The following AKR1C8 variants were observed in gnomAD, a reference collection of about 807,000 sequenced individuals.
AKR1C8 encodes aldo-keto reductase family 1 member C8.
the AKR1C8 span, among the ~76,000 whole-genome samples, chr10:5,163,855 T>A: frequency 2.0e-5 from 3 of 149,994 alleles, no homozygotes; most frequent in South Asian, 6.2e-4. Flanking sequence ...TGTCCCAACA[T>A]AAAAACGCCT....
At chr10:5,179,719 T>G in the AKR1C8 span, among the ~76,000 whole-genome samples, 1 of 152,138 alleles carries the variant, frequency 6.6e-6, no homozygotes, top group Admixed American at 6.6e-5. Flanking sequence ...TTCATTTCAT[T>G]CGTTTCATCT....
chr10:5,117,130 CTTTTT>C, the AKR1C8 span, among the ~76,000 whole-genome samples: 11 of 148,334 alleles, frequency 7.4e-5, no homozygotes, highest in Admixed American at 2.0e-4. Context: ...TGGCAGTGAG[CTTTTT>C]TTTTTTTTTA....
the AKR1C8 span, among the ~76,000 whole-genome samples, chr10:5,148,978 A>G: frequency 6.6e-6 from 1 of 152,276 alleles, no homozygotes; most frequent in African/African-American, 2.4e-5. Flanking sequence ...GTCAGATTAC[A>G]ACAAGAAAAG....
the AKR1C8 span, chr10:5,160,148 A>G: frequency 1.1e-5 from 3 of 261,942 alleles, no homozygotes; most frequent in Middle Eastern, 4.8e-4. Context: ...TGAATATACA[A>G]TTTCCTAATG....
the AKR1C8 span, among the ~76,000 whole-genome samples, chr10:5,150,352 G>C: frequency 1.3e-5 from 2 of 151,314 alleles, no homozygotes; most frequent in Non-Finnish European, 3.0e-5. Context: ...AATTGACAAA[G>C]GAATATTTTA....
the AKR1C8 span, among the ~76,000 whole-genome samples, chr10:5,146,777 C>T: frequency 3.3e-5 from 5 of 152,088 alleles, no homozygotes; most frequent in Non-Finnish European, 5.9e-5. Context: ...ATTGCATTTG[C>T]TTTTGGGTTC....
the AKR1C8 span, among the ~76,000 whole-genome samples, chr10:5,163,846 G>A: frequency 1.3e-5 from 2 of 149,822 alleles, no homozygotes; most frequent in Non-Finnish European, 2.9e-5. Context: ...ATATGCCTTT[G>A]TCCCAACATA....
chr10:5,154,300 C>G, the AKR1C8 span: 2 of 410,972 alleles, frequency 4.9e-6, no homozygotes, highest in Middle Eastern at 3.6e-4. Flanking sequence ...CCTACTTGTA[C>G]CTCGGCACAC....
At chr10:5,175,444 A>T in the AKR1C8 span, among the ~76,000 whole-genome samples, 5 of 152,242 alleles carry the variant, frequency 3.3e-5, no homozygotes, top group East Asian at 3.9e-4. Context: ...ATATGTGTGC[A>T]TGTGTCTTTA....
the AKR1C8 span, among the ~76,000 whole-genome samples, chr10:5,164,706 G>C: frequency 6.6e-6 from 1 of 152,048 alleles, no homozygotes; most frequent in Non-Finnish European, 1.5e-5. Context: ...TGTTGATTCT[G>C]TTCCACTCCA....
At chr10:5,172,556 G>T in the AKR1C8 span, among the ~76,000 whole-genome samples, 1 of 151,980 alleles carries the variant, frequency 6.6e-6, no homozygotes, top group Admixed American at 6.6e-5. Context: ...CACAAGCAAA[G>T]ATTATTTTGT....
At chr10:5,160,877 A>C in the AKR1C8 span, 5 of 471,124 alleles carry the variant, frequency 1.1e-5, no homozygotes, top group Non-Finnish European at 2.2e-5. Flanking sequence ...TTTGGCAGTA[A>C]TTCTTTCCCA....
chr10:5,140,398 A>T, the AKR1C8 span, among the ~76,000 whole-genome samples: 2 of 152,192 alleles, frequency 1.3e-5, no homozygotes, highest in African/African-American at 4.8e-5. Flanking sequence ...GAACCAACCC[A>T]AATGTCCATC....
At chr10:5,162,467 A>T in the AKR1C8 span, among the ~76,000 whole-genome samples, 1 of 152,198 alleles carries the variant, frequency 6.6e-6, no homozygotes, top group East Asian at 1.9e-4. Context: ...GAGTTCAGAA[A>T]ACTCAATGCT....
chr10:5,160,636 T>C, the AKR1C8 span, among the ~76,000 whole-genome samples: 1 of 152,166 alleles, frequency 6.6e-6, no homozygotes, highest in Non-Finnish European at 1.5e-5. Flanking sequence ...TAAAATGAAC[T>C]GTAGAGGCCA....
the AKR1C8 span, chr10:5,155,131 G>C: frequency 6.6e-6 from 1 of 152,132 alleles, no homozygotes; most frequent in African/African-American, 2.4e-5. Flanking sequence ...GAAATAGTTG[G>C]TATCCTGAAG....
the AKR1C8 span, chr10:5,155,466 G>C: frequency 3.6e-6 from 1 of 278,516 alleles, no homozygotes; most frequent in South Asian, 3.6e-5. Context: ...CAATGGTGCA[G>C]ACATTGGCAG....
At chr10:5,152,171 G>A in the AKR1C8 span, among the ~76,000 whole-genome samples, 2 of 152,162 alleles carry the variant, frequency 1.3e-5, no homozygotes, top group African/African-American at 2.4e-5. Flanking sequence ...TTGGGGACTT[G>A]CAGCCCACAA....
chr10:5,138,647 A>T, the AKR1C8 span, among the ~76,000 whole-genome samples: 45,162 of 151,766 alleles, frequency 0.3, 7,289 homozygotes, highest in Non-Finnish European at 0.36. Flanking sequence ...AAGAAATTAT[A>T]AAAGTATTAT....
Sources: allele counts gnomAD v4.1 joint callset (sites outside exome capture counted in the v4.1 genomes callset), GRCh38; gene constraint gnomAD v4.1.1; transcripts MANE v1.5; gene names NCBI Gene and HGNC (gene_info 2026-07-23, HGNC 2026-07-21).